The following NCOR1 variants were observed in gnomAD, a reference collection of about 807,000 sequenced individuals.
The protein encoded by NCOR1 is nuclear receptor corepressor 1.
In NCOR1, 63 loss-of-function variants were observed where a neutral mutation model predicts 288.1. That is an observed-to-expected ratio of 0.22 (90% CI 0.18 to 0.27). NCOR1 has a LOEUF of 0.27. Among genes scored for constraint, NCOR1 ranks in the 10% least tolerant of loss-of-function variants. NCOR1 has a pLI of 1.00. For synonymous variants in NCOR1, 1,007 were observed against 1,065.9 expected (o/e 0.94, Z 1.08); for missense variants, 2,397 against 3,019.2 (o/e 0.79, Z 4.83).
At chr17:16,069,107 G>A (rs1398285343) in intron 31 of NCOR1, among the ~76,000 whole-genome samples, 1 of 152,106 alleles carries the variant, frequency 6.6e-6, no homozygotes, top group Non-Finnish European at 1.5e-5. Context: ...GTGGCATTAA[G>A]TACAAGCATG....
chr17:16,097,280 A>G (rs183346005), intron 21 of NCOR1, among the ~76,000 whole-genome samples: 4 of 152,272 alleles, frequency 2.6e-5, no homozygotes, highest in Admixed American at 2.6e-4. Flanking sequence ...ATGTCTCTTA[A>G]TATTTTGCCC....
intron 16 of NCOR1, among the ~76,000 whole-genome samples, chr17:16,120,531 C>G (rs2072774590): frequency 6.6e-6 from 1 of 152,008 alleles, no homozygotes. Flanking sequence ...ATTAATCTAG[C>G]CTTTTTATAA....
chr17:16,214,126 T>C (rs1254028705), intron 1 of NCOR1, among the ~76,000 whole-genome samples: 3 of 152,228 alleles, frequency 2.0e-5, no homozygotes, highest in African/African-American at 7.2e-5. Context: ...CTTCTGTAAT[T>C]GTTACCCTTG....
intron 18 of NCOR1, among the ~76,000 whole-genome samples, chr17:16,115,106 T>C (rs929048677): frequency 2.0e-5 from 3 of 152,092 alleles, no homozygotes; most frequent in Non-Finnish European, 4.4e-5. Flanking sequence ...CTCAACACCA[T>C]ATGGAAGCTG....
chr17:16,094,733 T>A (rs1343457846), intron 21 of NCOR1, among the ~76,000 whole-genome samples: 1 of 152,092 alleles, frequency 6.6e-6, no homozygotes, highest in East Asian at 1.9e-4. Flanking sequence ...CCTGACTGGT[T>A]TTCGTATTTT....
intron 3 of NCOR1, among the ~76,000 whole-genome samples, chr17:16,183,230 C>CAAAAAAAAAAAAAA (rs59665102): frequency 4.0e-3 from 248 of 62,024 alleles, no homozygotes; most frequent in Non-Finnish European, 6.0e-3. Context: ...AGCAATCAAA[C>CAAAAAAAAAAAAAA]AAAAAAAAAA....
intron 3 of NCOR1, among the ~76,000 whole-genome samples, chr17:16,175,433 T>C (rs562186306): frequency 6.6e-6 from 1 of 152,166 alleles, no homozygotes; most frequent in Non-Finnish European, 1.5e-5. Flanking sequence ...TTTACTGACT[T>C]TTGTCATCTC....
At chr17:16,170,325 A>C (rs1251688432) in intron 4 of NCOR1, among the ~76,000 whole-genome samples, 1 of 152,200 alleles carries the variant, frequency 6.6e-6, no homozygotes, top group African/African-American at 2.4e-5. Context: ...GGCAGTAAAA[A>C]CATTTTAAAC....
intron 8 of NCOR1, among the ~76,000 whole-genome samples, chr17:16,151,097 AAAT>A (rs2078783280): frequency 6.6e-6 from 1 of 151,712 alleles, no homozygotes; most frequent in Non-Finnish European, 1.5e-5. Flanking sequence ...CCATACTAGT[AAAT>A]AATTATGTTC....
chr17:16,150,348 C>T (rs996678311), intron 8 of NCOR1, among the ~76,000 whole-genome samples: 2 of 152,044 alleles, frequency 1.3e-5, no homozygotes, highest in East Asian at 3.9e-4. Flanking sequence ...TGTACATTTG[C>T]TATTTCATAC....
rs564942029 is a variant in NCOR1, at chr17:16,166,215, A to C, written c.436-1054T>G. Among the ~76,000 whole-genome samples the C allele has an allele frequency of 4.6e-5, 7 of 152,304 alleles. 1 individual carries two copies. In the South Asian group the frequency reaches 1.5e-3, roughly 32 times the overall value. ...CAATTCTGTAAGGAAAACACCAATA[A>C]AAGCAATAACAACTCTAATAGACTT... On this transcript the variant is annotated intron_variant, in intron 4 of 45. Coordinates refer to ENST00000268712, the MANE Select transcript of NCOR1 (RefSeq NM_006311.4).
chr17:16,045,420 A>G (rs969227186), intron 42 of NCOR1, among the ~76,000 whole-genome samples: 14 of 152,240 alleles, frequency 9.2e-5, no homozygotes, highest in Middle Eastern at 3.2e-3. Flanking sequence ...AAATGAGACT[A>G]TATCTACACA....
intron 41 of NCOR1, among the ~76,000 whole-genome samples, chr17:16,047,610 A>G (rs760417972): frequency 6.6e-6 from 1 of 152,228 alleles, no homozygotes; most frequent in African/African-American, 2.4e-5. Context: ...ATTTGTTACA[A>G]TCATTTCAAG....
intron 23 of NCOR1, among the ~76,000 whole-genome samples, chr17:16,083,042 C>A (rs1390798241): frequency 6.6e-6 from 1 of 152,062 alleles, no homozygotes; most frequent in African/African-American, 2.4e-5. Context: ...ACCATCCTGG[C>A]CAACATGGTG....
rs188041735 is a variant in NCOR1, at chr17:16,052,167, C to T, written c.6393-3179G>A. ...GGAACTACAGATAGATGCCGGCCACCACGCCTGGCTAATTTTTTGTATTTC... is the reference window on the plus strand; with the variant it reads ...GGAACTACAGATAGATGCCGGCCACTACGCCTGGCTAATTTTTTGTATTTC... On this transcript the variant is annotated intron_variant, in intron 40 of 45. Coordinates refer to ENST00000268712, the MANE Select transcript of NCOR1 (RefSeq NM_006311.4). 2.1e-3 allele frequency among the ~76,000 whole-genome samples: 317 copies of T among 151,728 alleles called. 1 individual carries two copies. Among genetic ancestry groups the T allele is most frequent in the Middle Eastern group, 6.8e-3 (2 of 294 alleles).
chr17:16,207,065 C>T (rs77824269), intron 1 of NCOR1, among the ~76,000 whole-genome samples: 4 of 152,082 alleles, frequency 2.6e-5, no homozygotes, highest in Admixed American at 6.6e-5. Context: ...GGTATATTTA[C>T]GTTCTGCATA....
At chr17:16,137,866 C>T (rs1003662292) in intron 13 of NCOR1, 1 of 315,426 alleles carries the variant, frequency 3.2e-6, no homozygotes, top group Non-Finnish European at 5.7e-6. Context: ...GCTGCTGAAG[C>T]GAGCACGAGA....
chr17:16,197,091 G>GC (rs1270721030), intron 1 of NCOR1, among the ~76,000 whole-genome samples: 1 of 151,988 alleles, frequency 6.6e-6, no homozygotes, highest in Non-Finnish European at 1.5e-5. Context: ...GGAGGCCAGC[G>GC]CAGGCAGATC....
At chr17:16,207,212 C>T (rs1170655808) in intron 1 of NCOR1, among the ~76,000 whole-genome samples, 1 of 152,086 alleles carries the variant, frequency 6.6e-6, no homozygotes, top group Non-Finnish European at 1.5e-5. Flanking sequence ...TGAACAGAAA[C>T]TCAAAGTCAT....
Sources: gnomAD v4.1 joint callset for allele counts (sites outside exome capture counted in the v4.1 genomes callset) on GRCh38, gnomAD v4.1.1 for gene constraint, MANE v1.5 for transcripts, NCBI Gene and HGNC (gene_info 2026-07-23, HGNC 2026-07-21) for gene names.